The following WDR7 variants were observed in gnomAD, a reference collection of about 807,000 sequenced individuals.
WDR7 encodes WD repeat-containing protein 7.
Under a neutral mutation model 169.4 loss-of-function variants are expected in WDR7, and 46 were observed. The ratio of observed to expected loss-of-function variants is 0.27; its 90% CI spans 0.21 to 0.35. WDR7 has a LOEUF of 0.35. Ranked by LOEUF, WDR7 falls within the 10% of genes least tolerant of loss-of-function variation. The probability of loss-of-function intolerance (pLI) is 1.00; values close to 1 mark genes in which losing one functional copy is unlikely to be tolerated. For synonymous variants in WDR7, 612 were observed against 666.8 expected (o/e 0.92, Z 1.27); for missense variants, 1,534 against 1,859.3 (o/e 0.83, Z 3.22).
intron 20 of WDR7, among the ~76,000 whole-genome samples, chr18:56,865,871 G>T (rs2045876380): frequency 6.6e-6 from 1 of 151,912 alleles, no homozygotes; most frequent in Non-Finnish European, 1.5e-5. Context: ...AGATAGCTTT[G>T]TACTAAATAT....
intron 21 of WDR7, among the ~76,000 whole-genome samples, chr18:56,891,553 A>AAAAC (rs2046264256): frequency 2.0e-5 from 1 of 49,874 alleles, no homozygotes; most frequent in Non-Finnish European, 5.4e-5. Context: ...AAATCTGTAT[A>AAAAC]TAGTTTTTAA....
intron 16 of WDR7, among the ~76,000 whole-genome samples, chr18:56,760,230 C>T (rs2043960877): frequency 6.6e-6 from 1 of 152,136 alleles, no homozygotes; most frequent in Non-Finnish European, 1.5e-5. Context: ...TAACTATGTC[C>T]TTGGCAAGGA....
intron 20 of WDR7, among the ~76,000 whole-genome samples, chr18:56,835,430 A>G (rs1477116847): frequency 6.6e-6 from 1 of 152,204 alleles, no homozygotes; most frequent in Non-Finnish European, 1.5e-5. Flanking sequence ...AAGGGATTTT[A>G]AAACATTCTT....
At chr18:56,828,229 T>C (rs569179319) in intron 20 of WDR7, among the ~76,000 whole-genome samples, 2 of 152,352 alleles carry the variant, frequency 1.3e-5, no homozygotes, top group Admixed American at 6.5e-5. Context: ...TCGTGAAATA[T>C]TGATAAATTA....
chr18:56,789,848 AGTT>A (rs1160578456), intron 19 of WDR7, among the ~76,000 whole-genome samples: 4 of 152,212 alleles, frequency 2.6e-5, no homozygotes, highest in African/African-American at 7.2e-5. Flanking sequence ...TGCTTTAAGA[AGTT>A]GTACATACTT....
At chr18:56,879,076 A>G (rs987815491) in intron 20 of WDR7, among the ~76,000 whole-genome samples, 4 of 152,224 alleles carry the variant, frequency 2.6e-5, no homozygotes, top group Non-Finnish European at 2.9e-5. Flanking sequence ...ATTTTGAATA[A>G]TGCTGCTGTG....
chr18:56,759,580 G>A (rs1253744392), intron 16 of WDR7, among the ~76,000 whole-genome samples: 2 of 152,066 alleles, frequency 1.3e-5, no homozygotes, highest in African/African-American at 4.8e-5. Context: ...TATTAAGACT[G>A]ACAAATGAGC....
intron 20 of WDR7, among the ~76,000 whole-genome samples, chr18:56,851,309 C>G (rs532186038): frequency 1.3e-5 from 2 of 152,134 alleles, no homozygotes; most frequent in Non-Finnish European, 2.9e-5. Context: ...ATGCTTTCCT[C>G]TTTGAAACAT....
chr18:56,705,671 C>A (rs1326135059), intron 12 of WDR7, among the ~76,000 whole-genome samples: 1 of 152,058 alleles, frequency 6.6e-6, no homozygotes, highest in East Asian at 1.9e-4. Context: ...TTAGGCGGAT[C>A]CTGGCAGGAA....
chr18:56,965,817 T>C (rs1388645080), intron 26 of WDR7, among the ~76,000 whole-genome samples: 1 of 152,116 alleles, frequency 6.6e-6, no homozygotes, highest in Non-Finnish European at 1.5e-5. Context: ...TATAGTATAA[T>C]ATAGAGGATA....
intron 26 of WDR7, among the ~76,000 whole-genome samples, chr18:56,963,352 C>T (rs763782055): frequency 7.9e-5 from 12 of 151,990 alleles, no homozygotes; most frequent in Admixed American, 3.9e-4. Flanking sequence ...TCCATATTAT[C>T]GTATTAGGAA....
chr18:56,860,977 C>T (rs770662352), intron 20 of WDR7, among the ~76,000 whole-genome samples: 31 of 151,744 alleles, frequency 2.0e-4, no homozygotes, highest in Non-Finnish European at 4.0e-4. Context: ...CTTTGTTTTT[C>T]TAGAAATACA....
At chr18:56,926,334 T>C (rs2046807956) in intron 22 of WDR7, among the ~76,000 whole-genome samples, 1 of 152,234 alleles carries the variant, frequency 6.6e-6, no homozygotes, top group Non-Finnish European at 1.5e-5. Flanking sequence ...GCTTCTGTTA[T>C]TGCAGCTCTC....
chr18:56,754,547 C>A (rs562060539), intron 14 of WDR7, among the ~76,000 whole-genome samples: 3 of 151,752 alleles, frequency 2.0e-5, no homozygotes, highest in African/African-American at 7.3e-5. Context: ...TATGTGTGCA[C>A]GCGTGTGCGT....
At chr18:56,812,817 G>A (rs761798318) in intron 19 of WDR7, among the ~76,000 whole-genome samples, 5 of 152,018 alleles carry the variant, frequency 3.3e-5, no homozygotes, top group Non-Finnish European at 7.4e-5. Context: ...AATGGTGTCT[G>A]CCCACATTGA....
At chr18:57,000,927 G>A (rs1280336638) in intron 26 of WDR7, among the ~76,000 whole-genome samples, 1 of 152,004 alleles carries the variant, frequency 6.6e-6, no homozygotes, top group South Asian at 2.1e-4. Context: ...TGTAAATGTA[G>A]GGCCATGTAT....
intron 21 of WDR7, among the ~76,000 whole-genome samples, chr18:56,919,505 G>A (rs1292903692): frequency 2.0e-5 from 1 of 50,258 alleles, no homozygotes; most frequent in African/African-American, 4.9e-5. Flanking sequence ...GTTTTGGGGA[G>A]ATGCTCGTTA....
chr18:56,780,688 T>C (rs756808479), intron 18 of WDR7, among the ~76,000 whole-genome samples: 3 of 152,130 alleles, frequency 2.0e-5, no homozygotes, highest in Non-Finnish European at 4.4e-5. Context: ...TAGTCCTAGC[T>C]ACTTGGGAGG....
At chr18:56,851,154 C>T (rs1314635243) in intron 20 of WDR7, among the ~76,000 whole-genome samples, 1 of 152,118 alleles carries the variant, frequency 6.6e-6, no homozygotes, top group African/African-American at 2.4e-5. Flanking sequence ...TTCTTCAGGG[C>T]GTCCTTTATG....
Sources: allele counts gnomAD v4.1 joint callset (sites outside exome capture counted in the v4.1 genomes callset), GRCh38; gene constraint gnomAD v4.1.1; transcripts MANE v1.5; gene names NCBI Gene and HGNC (gene_info 2026-07-23, HGNC 2026-07-21).